The following RAI1 variants were observed in gnomAD, a reference collection of about 807,000 sequenced individuals.
RAI1 encodes retinoic acid-induced protein 1.
Under a neutral mutation model 123.8 loss-of-function variants are expected in RAI1, and 9 were observed. That is an observed-to-expected ratio of 0.07 (90% CI 0.04 to 0.13). The LOEUF (loss-of-function observed/expected upper bound fraction) is 0.13, where lower values mean the gene tolerates loss of function less well. Among genes scored for constraint, RAI1 ranks in the 10% least tolerant of loss-of-function variants. The pLI is 1.00. For missense variants in RAI1, 2,256 were observed against 2,545.8 expected, an observed-to-expected ratio of 0.89 and a Z score of 2.45; for synonymous variants, 1,231 against 1,127.3, an observed-to-expected ratio of 1.09 and a Z score of -1.84.
rs770463738 is a variant in RAI1, at chr17:17,714,758, T to G, written c.-148-9270T>G. Among the ~76,000 whole-genome samples the G allele has an allele frequency of 6.6e-6, 1 of 152,142 alleles. No homozygotes were observed. Among genetic ancestry groups the G allele is most frequent in the Non-Finnish European group, 1.5e-5 (1 of 68,026 alleles). On this transcript the variant is annotated intron_variant, in intron 1 of 5. Transcript: ENST00000353383. The surrounding 1 kb of genome is among the most constrained non-coding windows in gnomAD (Gnocchi z 4.9). Reference sequence around the variant, plus strand: ...GCACAGAAGCAGGACTGGAAGGAAATCCTGGTTGTGGGCTGAGCTCGGGCC... The same window carrying G: ...GCACAGAAGCAGGACTGGAAGGAAAGCCTGGTTGTGGGCTGAGCTCGGGCC...
intron 4 of RAI1, among the ~76,000 whole-genome samples, chr17:17,804,906 A>G (rs1196134607): frequency 6.6e-6 from 1 of 151,950 alleles, no homozygotes; most frequent in Non-Finnish European, 1.5e-5. Context: ...CTCTGTCACC[A>G]GGCTGGAGTG....
Position 17,810,201 on chromosome 17 carries a change from C to T in RAI1, c.*220C>T. ...AACCCGTTCCGGAGCCGCCTGCTCC[C>T]GGAACCGGACGGCACAGGGCGTTCT... is the stretch of plus-strand genomic sequence containing the variant. On this transcript the variant is annotated 3_prime_UTR_variant, in exon 6 of 6. Coordinates refer to ENST00000353383, the MANE Select transcript of RAI1 (RefSeq NM_030665.4). This position sits in a 1 kb window ranked among gnomAD's most constrained non-coding sequence, Gnocchi z 4.6. 1.5e-6 allele frequency: 1 copy of T among 646,530 alleles called. No homozygotes were observed. Among genetic ancestry groups the T allele is most frequent in the South Asian group, 2.0e-5 (1 of 48,836 alleles). 40.0% of individuals were successfully genotyped at this position (646,530 alleles called of 1,614,324 possible).
chr17:17,810,744 C>T lies in RAI1; in HGVS notation c.*763C>T, dbSNP rs1236769344. 2.2e-6 allele frequency: 1 copy of T among 447,002 alleles called. No homozygotes were observed. The highest frequency in any genetic ancestry group is 1.6e-5 in the South Asian group (1 of 63,830). 27.7% of individuals were successfully genotyped at this position (447,002 alleles called of 1,614,324 possible). On this transcript the variant is annotated 3_prime_UTR_variant, in exon 6 of 6. Coordinates refer to ENST00000353383, the MANE Select transcript of RAI1 (RefSeq NM_030665.4). The surrounding 1 kb of genome is among the most constrained non-coding windows in gnomAD (Gnocchi z 4.6). ...TTGTCCCCTTTCCAGTCCTCCACCCCACCCCTGGAGCCCAGCCTGGGAGCG... is the reference window on the plus strand; with the variant it reads ...TTGTCCCCTTTCCAGTCCTCCACCCTACCCCTGGAGCCCAGCCTGGGAGCG...
intron 1 of RAI1, among the ~76,000 whole-genome samples, chr17:17,710,029 T>A (rs1185173349): frequency 6.6e-6 from 1 of 152,006 alleles, no homozygotes; most frequent in Non-Finnish European, 1.5e-5. Flanking sequence ...ACACCCACAC[T>A]CTTCTCACAC....
In RAI1 at chr17:17,796,739, A is replaced by G. The variant is rs61746214; in HGVS notation, c.3791A>G (p.Glu1264Gly). ...NGGDGKEERPEGSPTLFKRMS... is the reference protein window; with the variant it reads ...NGGDGKEERPGGSPTLFKRMS... The stretch of plus-strand genomic sequence containing the variant: ...GGAGATGGGAAGGAGGAGAGGCCTG[A>G]GGGTTCCCCCACCCTCTTCAAGAGG... Residue 1264 changes from glutamate to glycine, a missense_variant, in exon 3 of 6, where the codon GAG (glutamate) becomes GGG (glycine). Coordinates refer to ENST00000353383, the MANE Select transcript of RAI1 (RefSeq NM_030665.4). The surrounding 1 kb of genome is among the most constrained non-coding windows in gnomAD (Gnocchi z 5.8). 2,021 of 1,613,466 alleles carry G rather than the reference A, an allele frequency of 1.3e-3. 21 individuals carry two copies. The African/African-American group carries it at 0.024, about 19-fold the overall frequency.
At chr17:17,787,509 T>A (rs1173148895) in intron 2 of RAI1, among the ~76,000 whole-genome samples, 1 of 152,122 alleles carries the variant, frequency 6.6e-6, no homozygotes, top group African/African-American at 2.4e-5. Flanking sequence ...GAACTGATAA[T>A]AGGTGAGCTC....
intron 1 of RAI1, among the ~76,000 whole-genome samples, chr17:17,698,658 C>T (rs1915114146): frequency 1.3e-5 from 2 of 152,252 alleles, no homozygotes; most frequent in Admixed American, 6.5e-5. Context: ...CAGGCCAGCT[C>T]AGCTGTGGAG....
intron 2 of RAI1, among the ~76,000 whole-genome samples, chr17:17,782,621 G>A (rs1598077797): frequency 6.6e-6 from 1 of 151,204 alleles, no homozygotes; most frequent in Non-Finnish European, 1.5e-5. Context: ...ACGGGGGCGG[G>A]GGGTTGGGGG....
intron 2 of RAI1, chr17:17,766,117 C>T (rs1487781557): frequency 6.6e-6 from 1 of 152,238 alleles, no homozygotes; most frequent in Non-Finnish European, 1.5e-5. Flanking sequence ...GTGCAGCTGT[C>T]CTGGTCCTGC....
At chr17:17,787,059 A>AACAC (rs2031850451) in intron 2 of RAI1, among the ~76,000 whole-genome samples, 1 of 152,188 alleles carries the variant, frequency 6.6e-6, no homozygotes, top group African/African-American at 2.4e-5. Flanking sequence ...CAAACAAACA[A>AACAC]ACAAAAAAAC....
At chr17:17,696,675 T>C (rs1046384653) in intron 1 of RAI1, among the ~76,000 whole-genome samples, 2 of 152,022 alleles carry the variant, frequency 1.3e-5, no homozygotes, top group Admixed American at 1.3e-4. Context: ...ACCAATGATA[T>C]GCAGCTTGGG....
chr17:17,712,625 C>G (rs1044718820), intron 1 of RAI1, among the ~76,000 whole-genome samples: 6 of 152,124 alleles, frequency 3.9e-5, no homozygotes, highest in Admixed American at 3.3e-4. Context: ...GTTGTAATGG[C>G]TGAGTGGGGC....
intron 1 of RAI1, among the ~76,000 whole-genome samples, chr17:17,722,256 G>C (rs566023413): frequency 6.6e-6 from 1 of 152,202 alleles, no homozygotes; most frequent in Admixed American, 6.5e-5. Context: ...TGGATGCAGC[G>C]ACGGATGGAT....
chr17:17,703,403 C>T (rs557446104), intron 1 of RAI1, among the ~76,000 whole-genome samples: 3 of 152,304 alleles, frequency 2.0e-5, no homozygotes, highest in African/African-American at 7.2e-5. Flanking sequence ...TCTGATCAAG[C>T]CCCTAGGCCA....
chr17:17,687,390 C>T (rs973789471), intron 1 of RAI1, among the ~76,000 whole-genome samples: 16 of 152,080 alleles, frequency 1.1e-4, no homozygotes, highest in African/African-American at 3.6e-4. Context: ...GGTCTGTGGA[C>T]CCAAGTCACC....
chr17:17,684,106 C>T (rs1295009931), intron 1 of RAI1: 1 of 151,980 alleles, frequency 6.6e-6, no homozygotes, highest in Non-Finnish European at 1.5e-5. Context: ...GTCCTGGGCT[C>T]AAGCGATCCT....
chr17:17,766,879 CAG>C (rs1317469534), intron 2 of RAI1, among the ~76,000 whole-genome samples: 1 of 151,110 alleles, frequency 6.6e-6, no homozygotes, highest in Non-Finnish European at 1.5e-5. Flanking sequence ...GGGGCCAGCT[CAG>C]GGGAGGGCAG....
chr17:17,802,213 C>T (rs1173943296), intron 3 of RAI1: 1 of 467,782 alleles, frequency 2.1e-6, no homozygotes, highest in South Asian at 1.6e-5. Flanking sequence ...AGTTTTGAGA[C>T]TTAGAGGAGG....
chr17:17,783,535 CAGAGGGGCGG>C (rs2031698008), intron 2 of RAI1, among the ~76,000 whole-genome samples: 1 of 152,156 alleles, frequency 6.6e-6, no homozygotes, highest in African/African-American at 2.4e-5. Flanking sequence ...ACATCTGTTG[CAGAGGGGCGG>C]AGAGGCCGCA....
Sources: allele counts gnomAD v4.1 joint callset (sites outside exome capture counted in the v4.1 genomes callset), GRCh38; gene constraint gnomAD v4.1.1; non-coding constraint Gnocchi (gnomAD v3.1); transcripts MANE v1.5; gene names NCBI Gene and HGNC (gene_info 2026-07-23, HGNC 2026-07-21).